NMT2: variants seen among roughly 807,000 people sequenced by gnomAD.
The protein encoded by NMT2 is N-myristoyltransferase 2.
In NMT2, 35 loss-of-function variants were observed where a neutral mutation model predicts 65.4. The observed-to-expected ratio is 0.54, with a 90% CI of 0.41 to 0.71. The LOEUF (loss-of-function observed/expected upper bound fraction) is 0.71. Among genes scored for constraint, NMT2 ranks in the 30% least tolerant of loss-of-function variants. The probability of loss-of-function intolerance (pLI) is 0.00; values close to 1 mark genes in which losing one functional copy is unlikely to be tolerated. For missense variants in NMT2, 489 were observed against 611.3 expected (o/e 0.80, Z 2.11); for synonymous variants, 226 against 231.8 (o/e 0.98, Z 0.23).
intron 9 of NMT2, among the ~76,000 whole-genome samples, chr10:15,117,353 A>G (rs764775447): frequency 6.6e-6 from 1 of 152,254 alleles, no homozygotes; most frequent in Non-Finnish European, 1.5e-5. Context: ...ATGCCCATTC[A>G]TAAGAACTCT....
In NMT2 at chr10:15,115,324, A is replaced by G. The variant is rs1422710358; in HGVS notation, c.1171-2361T>C. 2.0e-5 allele frequency among the ~76,000 whole-genome samples: 3 copies of G among 152,336 alleles called. No individual in the cohort carries two copies. In the East Asian group the frequency reaches 5.8e-4, roughly 29 times the overall value. On this transcript the variant is annotated intron_variant, in intron 9 of 11. Coordinates refer to ENST00000378165, the MANE Select transcript of NMT2 (RefSeq NM_004808.3). ...GATATTTAAGACAACAATATTTAAA[A>G]ATGAAAAAGGTAAAGTGACCTAAAT... is the stretch of plus-strand genomic sequence containing the variant.
chr10:15,110,517 T>A (rs1259017329), intron 10 of NMT2, among the ~76,000 whole-genome samples: 1 of 151,348 alleles, frequency 6.6e-6, no homozygotes, highest in Non-Finnish European at 1.5e-5. Flanking sequence ...TGTGTGCCTG[T>A]GGACCCAGCT....
At chr10:15,167,409 A>T (rs965616924) in intron 1 of NMT2, among the ~76,000 whole-genome samples, 3 of 152,212 alleles carry the variant, frequency 2.0e-5, no homozygotes, top group Admixed American at 2.0e-4. Flanking sequence ...TTCAATGATC[A>T]ATCATTTCAA....
intron 1 of NMT2, chr10:15,154,870 T>C (rs1564588966): frequency 7.5e-6 from 6 of 802,852 alleles, no homozygotes; most frequent in African/African-American, 5.0e-5. Context: ...TAGCGCTTCA[T>C]GGCCTCCACA....
At position 15,109,137 on chromosome 10, in the gene NMT2, G is replaced by C; in HGVS notation, c.*58C>G. On this transcript the variant is annotated 3_prime_UTR_variant, in exon 12 of 12. Transcript: ENST00000378165. ...ATTCTTCTTTGGAATGGCAGTTCCA[G>C]AAATCATTAAATATTAACAAATGAT... is the stretch of plus-strand genomic sequence containing the variant. 6.3e-7 allele frequency: 1 copy of C among 1,591,476 alleles called. No homozygotes were observed. Among genetic ancestry groups the C allele is most frequent in the Non-Finnish European group, 8.5e-7 (1 of 1,173,144 alleles).
At chr10:15,168,438 C>G in intron 1 of NMT2, 65 bp downstream of exon 1, 1 of 1,241,712 alleles carries the variant, frequency 8.1e-7, no homozygotes, top group Non-Finnish European at 1.1e-6. Flanking sequence ...CACCCCCGAA[C>G]GGGAGACCGT....
At position 15,154,323 on chromosome 10, in the gene NMT2, C is replaced by T. The variant is rs1832914098; in HGVS notation, c.111-12766G>A. Among the ~76,000 whole-genome samples, 4 of 152,188 alleles carry T rather than the reference C, an allele frequency of 2.6e-5. No homozygotes were observed. In the South Asian group the frequency reaches 8.3e-4, roughly 31 times the overall value. On this transcript the variant is annotated intron_variant, in intron 1 of 11. Coordinates refer to ENST00000378165, the MANE Select transcript of NMT2 (RefSeq NM_004808.3). ...ATAGGGGACTAAATAAATAATGGTACCCTGTGTAGAACCACATGACGGGAT... is the reference window on the plus strand; with the variant it reads ...ATAGGGGACTAAATAAATAATGGTATCCTGTGTAGAACCACATGACGGGAT...
chr10:15,148,609 A>G (rs1275480275), intron 1 of NMT2, among the ~76,000 whole-genome samples: 1 of 152,356 alleles, frequency 6.6e-6, no homozygotes, highest in East Asian at 1.9e-4. Flanking sequence ...CATTCGGTAC[A>G]AGCCAGCTAT....
At position 15,108,194 on chromosome 10, in the gene NMT2, T is replaced by C; in HGVS notation, c.*1001A>G. On this transcript the variant is annotated 3_prime_UTR_variant, in exon 12 of 12. Transcript: ENST00000378165. ...TCGCGGGTACAGGCTCTTTCTTTTT[T>C]TTTTTTTTTGAGACGGAGTCTCACG... 1 of 984,318 alleles carries C rather than the reference T, an allele frequency of 1.0e-6. No individual in the cohort carries two copies. Among genetic ancestry groups the C allele is most frequent in the Non-Finnish European group, 1.2e-6 (1 of 829,276 alleles). The allele number at this position is 984,318 out of a possible 1,614,324, so 61.0% of individuals were successfully genotyped here.
At chr10:15,149,059 GCCACCA>G (rs760775360) in intron 1 of NMT2, among the ~76,000 whole-genome samples, 1 of 150,220 alleles carries the variant, frequency 6.7e-6, no homozygotes, top group African/African-American at 2.4e-5. Flanking sequence ...CACCACCACC[GCCACCA>G]CCACCACCAT....
intron 8 of NMT2, among the ~76,000 whole-genome samples, chr10:15,127,570 ATAAAT>A (rs1564568411): frequency 4.1e-5 from 3 of 73,786 alleles, no homozygotes; most frequent in African/African-American, 2.2e-4. Context: ...AAAAAAAAAA[ATAAAT>A]AAATAAATAA....
intron 8 of NMT2, among the ~76,000 whole-genome samples, chr10:15,126,647 A>G (rs1481677788): frequency 6.6e-6 from 1 of 152,088 alleles, no homozygotes; most frequent in Non-Finnish European, 1.5e-5. Flanking sequence ...GAGGAACTCA[A>G]TCCTGCCAAC....
chr10:15,164,808 G>T (rs555393411), intron 1 of NMT2, among the ~76,000 whole-genome samples: 4 of 152,042 alleles, frequency 2.6e-5, no homozygotes, highest in Non-Finnish European at 5.9e-5. Flanking sequence ...GAGGCCAGGG[G>T]ATCACCTGAG....
intron 9 of NMT2, among the ~76,000 whole-genome samples, 164 bp from the exon 10 acceptor site, chr10:15,113,127 G>T (rs893453322): frequency 6.6e-6 from 1 of 152,032 alleles, no homozygotes; most frequent in Non-Finnish European, 1.5e-5. Context: ...CTGTGTAGAG[G>T]CCAAGAAGGG....
rs1430687203 is a variant in NMT2, at chr10:15,112,797, G to A, written c.1337C>T (p.Ser446Leu). ...LMSDALILAK[S>L]KGFDVFNALD... ...CGTGAACAGGAAGGAGTGGCTTACC[G>A]ATTTAGCCAGGATGAGCGCGTCGCT... The change falls in exon 10 of 12, where the codon TCG becomes TTG. Residue 446 changes from serine (S) to leucine (L), a missense_variant and splice_region_variant. Coordinates refer to ENST00000378165, the MANE Select transcript of NMT2 (RefSeq NM_004808.3). The A allele has an allele frequency of 1.9e-6, 3 of 1,609,742 alleles. No individual in the cohort carries two copies. Among genetic ancestry groups the A allele is most frequent in the Non-Finnish European group, 1.7e-6 (2 of 1,177,964 alleles).
At chr10:15,112,431 A>G (rs1251307995) in intron 10 of NMT2, among the ~76,000 whole-genome samples, 1 of 150,416 alleles carries the variant, frequency 6.6e-6, no homozygotes, top group African/African-American at 2.4e-5. Context: ...GTTTCACCAT[A>G]TTAACCAGGC....
intron 9 of NMT2, among the ~76,000 whole-genome samples, chr10:15,116,118 T>C (rs1296813877): frequency 6.6e-6 from 1 of 152,204 alleles, no homozygotes; most frequent in Admixed American, 6.5e-5. Context: ...CACACAACCG[T>C]AGTGGTATAC....
chr10:15,111,824 A>G (rs1845529075), intron 10 of NMT2: 1 of 151,474 alleles, frequency 6.6e-6, no homozygotes, highest in Non-Finnish European at 1.5e-5. Context: ...TAATTAATTA[A>G]TTAATTTGAG....
chr10:15,121,358 C>G (rs1212012100), intron 8 of NMT2, among the ~76,000 whole-genome samples: 5 of 152,038 alleles, frequency 3.3e-5, no homozygotes, highest in Non-Finnish European at 7.4e-5. Flanking sequence ...AGGTGGAAGC[C>G]CAAGGGGGAA....
Sources: allele counts gnomAD v4.1 joint callset (sites outside exome capture counted in the v4.1 genomes callset), GRCh38; gene constraint gnomAD v4.1.1; transcripts MANE v1.5; gene names NCBI Gene and HGNC (gene_info 2026-07-23, HGNC 2026-07-21).